C19orf18: variants seen among roughly 807,000 people sequenced by gnomAD.
C19orf18 encodes chromosome 19 open reading frame 18.
C19orf18 carries 21 observed loss-of-function variants against 23.3 expected under a neutral mutation model. That is an observed-to-expected ratio of 0.90 (90% CI 0.64 to 1.30). The LOEUF (loss-of-function observed/expected upper bound fraction) is 1.30, where lower values mean the gene tolerates loss of function less well. C19orf18 is among the 50% of genes most tolerant of loss of function. C19orf18 has a pLI of 0.00. For synonymous variants in C19orf18, 96 were observed against 95.2 expected, an observed-to-expected ratio of 1.01 and a Z score of -0.05; for missense variants, 249 against 259.6, an observed-to-expected ratio of 0.96 and a Z score of 0.28.
In C19orf18 at chr19:57,972,502, C is replaced by T. The variant is rs2123236844; in HGVS notation, c.229G>A (p.Ala77Thr). 6.2e-7 allele frequency: 1 copy of T among 1,613,990 alleles called. No individual in the cohort carries two copies. Among genetic ancestry groups the T allele is most frequent in the Non-Finnish European group, 8.5e-7 (1 of 1,179,894 alleles). Residue 77 changes from alanine (A) to threonine (T), a missense_variant and splice_region_variant, in exon 3 of 6, where the codon GCA (alanine) becomes ACA (threonine). Coordinates refer to ENST00000314391, the MANE Select transcript of C19orf18 (RefSeq NM_152474.5). ...AATTTCATGGGGTTCGTAGGGGATGCAGCTAAAAGGCCATCAAAGGGGATC... is the reference window on the plus strand; with the variant it reads ...AATTTCATGGGGTTCGTAGGGGATGTAGCTAAAAGGCCATCAAAGGGGATC... ...IQGAASRSTA[A>T]SPTNPMKFLR... is the part of the protein sequence containing the mutation.
chr19:57,958,656 T>C lies in C19orf18; in HGVS notation c.594A>G (p.Val198=). The change falls in exon 6 of 6, where the codon GTA becomes GTG. Residue 198 remains valine (V), a synonymous_variant. Coordinates refer to ENST00000314391, the MANE Select transcript of C19orf18 (RefSeq NM_152474.5). ...ACGCATTCTTTGTTTTGTTTTCTGT[T>C]ACTGAGTTTTGCTCTTCCTTCAGTT... ...KKKLKEEQNS[V]TENKTKNASH... is the part of the protein sequence containing the mutation. The C allele has an allele frequency of 6.2e-7, 1 of 1,608,158 alleles. No individual in the cohort carries two copies. Among genetic ancestry groups the C allele is most frequent in the Non-Finnish European group, 8.5e-7 (1 of 1,177,992 alleles).
intron 2 of C19orf18, among the ~76,000 whole-genome samples, 167 bp downstream of exon 2, chr19:57,973,932 C>T (rs2072964933): frequency 6.6e-6 from 1 of 152,104 alleles, no homozygotes; most frequent in Admixed American, 6.6e-5. Context: ...AAGCAGTTAA[C>T]AGAGAGTGAA....
chr19:57,969,400 C>T (rs952399268), intron 3 of C19orf18, among the ~76,000 whole-genome samples: 2 of 150,326 alleles, frequency 1.3e-5, no homozygotes, highest in Non-Finnish European at 3.0e-5. Context: ...ACTAAAAATG[C>T]AAAAATTAGC....
intron 3 of C19orf18, among the ~76,000 whole-genome samples, 200 bp from the exon 4 acceptor site, chr19:57,966,832 A>G (rs2072912028): frequency 6.6e-6 from 1 of 151,446 alleles, no homozygotes. Flanking sequence ...AGTGCAGTGC[A>G]TGATCACAGC....
intron 3 of C19orf18, 79 bp from the exon 4 acceptor site, chr19:57,966,711 C>T: frequency 2.1e-6 from 2 of 945,238 alleles, no homozygotes; most frequent in Admixed American, 2.3e-5. Context: ...TTTGTCCTTA[C>T]AGAGGGGAAT....
At chr19:57,971,677 G>A (rs1024228625) in intron 3 of C19orf18, among the ~76,000 whole-genome samples, 3 of 152,082 alleles carry the variant, frequency 2.0e-5, no homozygotes, top group Non-Finnish European at 4.4e-5. Flanking sequence ...CACCATGTTA[G>A]CCAAGCTGGT....
intron 4 of C19orf18, among the ~76,000 whole-genome samples, chr19:57,964,106 C>G (rs1158220757): frequency 1.3e-5 from 2 of 151,684 alleles, no homozygotes. Flanking sequence ...TGGTTTTGGC[C>G]CCAGGCTCCA....
At chr19:57,963,088 G>A (rs1357316246) in intron 4 of C19orf18, among the ~76,000 whole-genome samples, 1 of 149,092 alleles carries the variant, frequency 6.7e-6, no homozygotes, top group Non-Finnish European at 1.5e-5. Flanking sequence ...GTGCAATGGC[G>A]CGATCTTGGC....
At chr19:57,963,248 C>T (rs1051890893) in intron 4 of C19orf18, among the ~76,000 whole-genome samples, 1 of 151,816 alleles carries the variant, frequency 6.6e-6, no homozygotes, top group Non-Finnish European at 1.5e-5. Context: ...AGGCTGGTCT[C>T]GAACTCCCAA....
intron 2 of C19orf18, 57 bp downstream of exon 2, chr19:57,974,042 T>TAAG: frequency 1.3e-6 from 2 of 1,531,986 alleles, no homozygotes; most frequent in South Asian, 2.2e-5. Context: ...ACATGGCAGA[T>TAAG]AAGAGGACTC....
chr19:57,971,119 C>T (rs149258421), intron 3 of C19orf18, among the ~76,000 whole-genome samples: 34 of 152,178 alleles, frequency 2.2e-4, no homozygotes, highest in Admixed American at 3.3e-4. Flanking sequence ...ATGTGTTTGG[C>T]GTGGATGGAT....
intron 2 of C19orf18, 144 bp from the exon 3 acceptor site, chr19:57,972,648 ATTCC>A: frequency 3.5e-6 from 3 of 861,010 alleles, no homozygotes; most frequent in Non-Finnish European, 3.6e-6. Context: ...GTGTTAATAC[ATTCC>A]TCCCAATGCC....
intron 5 of C19orf18, among the ~76,000 whole-genome samples, chr19:57,959,685 C>T (rs1472438287): frequency 6.6e-6 from 1 of 151,042 alleles, no homozygotes; most frequent in African/African-American, 2.4e-5. Flanking sequence ...GTCCCAGCAA[C>T]TCAGGAGGCT....
chr19:57,961,499 G>A lies in C19orf18; in HGVS notation c.424C>T (p.Leu142Phe). The stretch of plus-strand genomic sequence containing the variant: ...TCATCTCCTAATAACGGTATCCTGA[G>A]GTTCTTATAAAGTGACTCGAGCTGT... ...RQQLESLYKN[L>F]RIPLLGDEEE... Residue 142 changes from leucine (L) to phenylalanine (F), a missense_variant, in exon 5 of 6, where the codon CTC (leucine) becomes TTC (phenylalanine). Transcript: ENST00000314391. 2 of 1,614,098 alleles carry A rather than the reference G, an allele frequency of 1.2e-6. No homozygotes were observed. The highest frequency in any genetic ancestry group is 8.5e-7 in the Non-Finnish European group (1 of 1,180,012).
chr19:57,973,939 T>C (rs1025443912), intron 2 of C19orf18, among the ~76,000 whole-genome samples, 160 bp downstream of exon 2: 8 of 152,080 alleles, frequency 5.3e-5, no homozygotes, highest in African/African-American at 1.9e-4. Flanking sequence ...TAACAGAGAG[T>C]GAAGAGCATA....
chr19:57,972,394 G>A, intron 3 of C19orf18, 69 bp downstream of exon 3: 1 of 1,570,522 alleles, frequency 6.4e-7, no homozygotes, highest in Non-Finnish European at 8.7e-7. Context: ...AGCACCCTCT[G>A]GAGCCACACA....
rs2072909473 is a variant in C19orf18, at chr19:57,966,563, A to G, written c.338T>C (p.Leu113Pro). 6.2e-7 allele frequency: 1 copy of G among 1,612,396 alleles called. No homozygotes were observed. Among genetic ancestry groups the G allele is most frequent in the South Asian group, 1.1e-5 (1 of 91,032 alleles). ...ATAGGAGATTGCCATCCCACATATC[A>G]GGGCAATGCTGAAGGCTACGCTCGA... ...LISSVAFSIALICGMAISYMI... is the reference protein window; with the variant it reads ...LISSVAFSIAPICGMAISYMI... The change falls in exon 4 of 6, where the codon CTG (leucine) becomes CCG (proline). Residue 113 changes from leucine (L) to proline (P), a missense_variant. Physicochemically the swap from Leu to Pro is moderately conservative, Grantham distance 98. Coordinates refer to ENST00000314391, the MANE Select transcript of C19orf18 (RefSeq NM_152474.5).
intron 3 of C19orf18, among the ~76,000 whole-genome samples, chr19:57,970,655 A>G (rs947454802): frequency 6.0e-5 from 9 of 151,240 alleles, no homozygotes; most frequent in African/African-American, 2.2e-4. Context: ...ATCTCTGCTC[A>G]CTTCAACCTC....
At position 57,967,032 on chromosome 19, in the gene C19orf18, C is replaced by T. The variant is rs77865815; in HGVS notation, c.269-400G>A. On this transcript the variant is annotated intron_variant, in intron 3 of 5. Coordinates refer to ENST00000314391, the MANE Select transcript of C19orf18 (RefSeq NM_152474.5). ...TACTGAAGTTAGATTTTCAGTGAGC[C>T]GAGATCATGCCACTGCACTCCAGCC... 3.3e-5 allele frequency among the ~76,000 whole-genome samples: 5 copies of T among 150,634 alleles called. No homozygotes were observed. The East Asian group carries it at 7.8e-4, about 23-fold the overall frequency.
Sources: allele counts gnomAD v4.1 joint callset (sites outside exome capture counted in the v4.1 genomes callset), GRCh38; gene constraint gnomAD v4.1.1; transcripts MANE v1.5; gene names NCBI Gene and HGNC (gene_info 2026-07-23, HGNC 2026-07-21).